Variants in FAM171B observed in about 807,000 individuals in gnomAD.
FAM171B encodes the protein protein FAM171B.
FAM171B carries 19 observed loss-of-function variants against 75.6 expected under a neutral mutation model. The ratio of observed to expected loss-of-function variants is 0.25; its 90% CI spans 0.18 to 0.37. The LOEUF is 0.37. Ranked by LOEUF, FAM171B falls within the 10% of genes least tolerant of loss-of-function variation. The probability of loss-of-function intolerance (pLI) is 1.00; values close to 1 mark genes in which losing one functional copy is unlikely to be tolerated. For synonymous variants in FAM171B, 367 were observed against 361.7 expected (o/e 1.01, Z -0.17); for missense variants, 848 against 982.4 (o/e 0.86, Z 1.83).
At chr2:186,741,100 T>G (rs1391987699) in intron 2 of FAM171B, among the ~76,000 whole-genome samples, 3 of 152,124 alleles carry the variant, frequency 2.0e-5, no homozygotes, top group African/African-American at 7.2e-5. Context: ...ATTGGACACT[T>G]AGTATTTATA....
intron 6 of FAM171B, among the ~76,000 whole-genome samples, chr2:186,755,573 T>C (rs911183707): frequency 1.3e-5 from 2 of 152,240 alleles, no homozygotes; most frequent in Admixed American, 6.5e-5. Context: ...ATTTTACATA[T>C]GTTTATCTGC....
rs571482970 is a variant in FAM171B, at chr2:186,740,323, A to T, written c.334A>T (p.Thr112Ser). The part of the protein sequence containing the change: ...VVEVFVNYTK[T>S]NSTVTKSNGA... ...AGAAGTGTTTGTAAACTACACGAAGACAAATTCCACAGTAACTAAAAGCAA... is the reference window on the plus strand; with the variant it reads ...AGAAGTGTTTGTAAACTACACGAAGTCAAATTCCACAGTAACTAAAAGCAA... Residue 112 changes from threonine to serine, a missense_variant, in exon 2 of 8, where the codon ACA becomes TCA. By Grantham distance (58) the Thr-to-Ser change is moderately conservative. This residue lies in a region of FAM171B where 665 missense variants were observed against 729.0 expected (regional missense o/e 0.91). Transcript: ENST00000304698. The T allele has an allele frequency of 4.3e-6, 7 of 1,614,122 alleles. No homozygotes were observed. In the East Asian group the frequency reaches 1.6e-4, roughly 36 times the overall value.
At chr2:186,717,046 G>T (rs965505476) in intron 1 of FAM171B, among the ~76,000 whole-genome samples, 27 of 152,266 alleles carry the variant, frequency 1.8e-4, no homozygotes, top group African/African-American at 6.5e-4. Flanking sequence ...GATGATGTGG[G>T]TAGTGAGAAA....
At chr2:186,698,369 G>A (rs567204459) in intron 1 of FAM171B, among the ~76,000 whole-genome samples, 23 of 152,038 alleles carry the variant, frequency 1.5e-4, no homozygotes, top group Admixed American at 8.5e-4. Flanking sequence ...TTTTTATTTC[G>A]CAAGATGTTA....
chr2:186,743,674 T>A, intron 3 of FAM171B, 99 bp downstream of exon 3: 1 of 812,712 alleles, frequency 1.2e-6, no homozygotes. Context: ...TTGAGAAAAA[T>A]CTAAATTGAT....
At chr2:186,753,876 A>T (rs1310152343) in intron 5 of FAM171B, 57 bp from the exon 6 acceptor site, 1 of 1,327,260 alleles carries the variant, frequency 7.5e-7, no homozygotes, top group African/African-American at 1.4e-5. Context: ...TATTCTGTGC[A>T]TGACCATCAG....
Position 186,694,127 on chromosome 2 carries a change from C to T in FAM171B, c.-47C>T. On this transcript the variant is annotated 5_prime_UTR_variant, in exon 1 of 8. Transcript: ENST00000304698. ...AGCCCGCAGCCCTGGCGCCCGCCGC[C>T]GCCCGGAGCCCCGCAATATGCCGCC... 6 of 1,440,836 alleles carry T rather than the reference C, an allele frequency of 4.2e-6. No individual in the cohort carries two copies. The highest frequency in any genetic ancestry group is 3.0e-5 in the South Asian group (2 of 67,402). 89.3% of individuals were successfully genotyped at this position (1,440,836 alleles called of 1,614,324 possible).
rs2105793712 is a variant in FAM171B at position 186,761,581 on chromosome 2, T to C, written c.1239T>C (p.Ser413=). ...TTSTTHINHI[S]TVKVALKAED... ...CAACAACACACATAAATCATATCAG[T>C]ACAGTTAAAGTTGCATTAAAAGCTG... is the stretch of plus-strand genomic sequence containing the variant. Residue 413 remains serine, a synonymous_variant, in exon 8 of 8, where the codon AGT becomes AGC. Coordinates refer to ENST00000304698, the MANE Select transcript of FAM171B (RefSeq NM_177454.4). The C allele has an allele frequency of 6.2e-7, 1 of 1,613,210 alleles. No individual in the cohort carries two copies. The highest frequency in any genetic ancestry group is 8.5e-7 in the Non-Finnish European group (1 of 1,179,566).
intron 1 of FAM171B, among the ~76,000 whole-genome samples, chr2:186,718,812 C>T (rs546672494): frequency 2.8e-4 from 42 of 152,296 alleles, no homozygotes; most frequent in South Asian, 8.3e-4. Context: ...ATGCTACCTA[C>T]GGACTTTTCT....
intron 1 of FAM171B, among the ~76,000 whole-genome samples, chr2:186,729,664 T>C (rs1325579517): frequency 6.6e-6 from 1 of 152,162 alleles, no homozygotes; most frequent in Non-Finnish European, 1.5e-5. Context: ...GAGGTTTTTT[T>C]TGTTTTGTTT....
Position 186,763,697 on chromosome 2 carries a change from G to T in FAM171B, c.*874G>T, listed in dbSNP as rs551280851. ...TATATTTCTTCTATTCTAAAAACCT[G>T]AACTCAGTCACTTAAAGGCTATGAA... On this transcript the variant is annotated 3_prime_UTR_variant, in exon 8 of 8. Transcript: ENST00000304698. 2 of 151,978 alleles carry T rather than the reference G, an allele frequency of 1.3e-5. No individual in the cohort carries two copies. The highest frequency in any genetic ancestry group is 1.3e-4 in the Admixed American group (2 of 15,244). The allele number at this position is 151,978 out of a possible 1,614,324, so 9.4% of individuals were successfully genotyped here.
At chr2:186,739,437 AT>A (rs1690254600) in intron 1 of FAM171B, among the ~76,000 whole-genome samples, 2 of 152,228 alleles carry the variant, frequency 1.3e-5, no homozygotes, top group East Asian at 1.9e-4. Context: ...AACTGTACAA[AT>A]TTTTTTCTAT....
intron 4 of FAM171B, among the ~76,000 whole-genome samples, chr2:186,750,041 A>G (rs1690426704): frequency 6.6e-6 from 1 of 152,176 alleles, no homozygotes; most frequent in Non-Finnish European, 1.5e-5. Context: ...GGCCCATATG[A>G]GTACATGGTG....
chr2:186,743,560 A>G lies in FAM171B; in HGVS notation c.550A>G (p.Thr184Ala). The change falls in exon 3 of 8, where the codon ACT becomes GCT. Residue 184 changes from threonine to alanine, a missense_variant. By Grantham distance (58) the Thr-to-Ala change is moderately conservative. Around this residue, in one of 3 missense-constraint regions of FAM171B, gnomAD observed 665 missense variants for 729.0 expected, o/e 0.91. Transcript: ENST00000304698. ...GCTATTTGAAGACACTGTTTTAATTACTGGAAAATTAGCTGGTAAGTACCA... is the reference window on the plus strand; with the variant it reads ...GCTATTTGAAGACACTGTTTTAATTGCTGGAAAATTAGCTGGTAAGTACCA... Reference protein sequence around the residue: ...IWLFEDTVLITGKLADAKSQP... With the variant: ...IWLFEDTVLIAGKLADAKSQP... 6.2e-7 allele frequency: 1 copy of G among 1,611,068 alleles called. No homozygotes were observed. The highest frequency in any genetic ancestry group is 1.7e-4 in the Middle Eastern group (1 of 6,044).
intron 5 of FAM171B, among the ~76,000 whole-genome samples, chr2:186,751,827 G>A (rs1193789319): frequency 6.6e-6 from 1 of 151,986 alleles, no homozygotes; most frequent in Non-Finnish European, 1.5e-5. Context: ...CTTTGTTTTT[G>A]TTCATGGGTT....
chr2:186,755,760 C>G (rs1442887388), intron 6 of FAM171B, among the ~76,000 whole-genome samples: 1 of 152,096 alleles, frequency 6.6e-6, no homozygotes, highest in Non-Finnish European at 1.5e-5. Context: ...AACTCTGGAT[C>G]CTCCCACCTC....
intron 6 of FAM171B, 48 bp downstream of exon 6, chr2:186,754,097 T>G (rs766941224): frequency 1.4e-6 from 2 of 1,398,416 alleles, no homozygotes; most frequent in East Asian, 4.7e-5. Flanking sequence ...CAAATAGTCT[T>G]GCTGGAACGG....
intron 1 of FAM171B, among the ~76,000 whole-genome samples, chr2:186,720,061 G>A (rs562731098): frequency 1.4e-4 from 22 of 152,218 alleles, no homozygotes; most frequent in African/African-American, 5.1e-4. Context: ...CTGTTGAGAC[G>A]GAGTCTCGCT....
chr2:186,713,504 AGTAC>A (rs1689836574), intron 1 of FAM171B, among the ~76,000 whole-genome samples: 2 of 152,220 alleles, frequency 1.3e-5, no homozygotes, highest in African/African-American at 4.8e-5. Context: ...TTAAATCAGA[AGTAC>A]AAACCTTTTA....
Sources: gnomAD v4.1 joint callset for allele counts (sites outside exome capture counted in the v4.1 genomes callset) on GRCh38, gnomAD v4.1.1 for gene constraint, gnomAD v4.1.1 regional missense constraint, MANE v1.5 for transcripts, NCBI Gene and HGNC (gene_info 2026-07-23, HGNC 2026-07-21) for gene names.